Variants in OTOG observed in about 807,000 individuals in gnomAD.
The protein encoded by OTOG is otogelin.
Under a neutral mutation model 313.8 loss-of-function variants are expected in OTOG, and 296 were observed. The ratio of observed to expected loss-of-function variants is 0.94; its 90% CI spans 0.86 to 1.04. The LOEUF is 1.04. Among genes scored for constraint, OTOG ranks in the 50% least tolerant of loss-of-function variants. The pLI, the probability that OTOG is intolerant of heterozygous loss-of-function variation, is 0.00. For missense variants in OTOG, 3,948 were observed against 3,840.1 expected (o/e 1.03, Z -0.74); for synonymous variants, 1,533 against 1,554.9 (o/e 0.99, Z 0.33).
chr11:17,608,558 A>T, intron 34 of OTOG, 145 bp downstream of exon 34: 1 of 597,088 alleles, frequency 1.7e-6, no homozygotes, highest in East Asian at 3.1e-5. Context: ...CCGTATATGC[A>T]CATATGTCAG....
In OTOG at chr11:17,570,196, T is replaced by C. The variant is rs770967360; in HGVS notation, c.1778-17T>C. 1 of 1,549,298 alleles carries C rather than the reference T, an allele frequency of 6.5e-7. No individual in the cohort carries two copies. Among genetic ancestry groups the C allele is most frequent in the South Asian group, 1.2e-5 (1 of 83,970 alleles). On this transcript the variant is annotated splice_polypyrimidine_tract_variant and intron_variant, in intron 16 of 55. Transcript: ENST00000399397. ...CTGGCTGCCCTCCCACTCTCTCCTT[T>C]TGGATTCTGTGCCCAGATGCCTTTG...
chr11:17,574,761 G>A lies in OTOG; in HGVS notation c.2335G>A (p.Ala779Thr), dbSNP rs1489143378. 6.4e-7 allele frequency: 1 copy of A among 1,550,658 alleles called. No homozygotes were observed. The highest frequency in any genetic ancestry group is 1.4e-5 in the African/African-American group (1 of 73,182). ...EASKEYSPCV[A>T]PCGRTCQDLA... Reference sequence around the variant, plus strand: ...CTCCAAGGAGTATAGCCCCTGCGTGGCCCCGTGTGGACGTACCTGCCAGGA... The same window carrying A: ...CTCCAAGGAGTATAGCCCCTGCGTGACCCCGTGTGGACGTACCTGCCAGGA... The change falls in exon 20 of 56, where the codon GCC (alanine) becomes ACC (threonine). Residue 779 changes from alanine to threonine, a missense_variant. By Grantham distance (58) the Ala-to-Thr change is moderately conservative. Coordinates refer to ENST00000399397, the MANE Select transcript of OTOG (RefSeq NM_001292063.2).
At chr11:17,562,871 C>T (rs561429236) in intron 15 of OTOG, among the ~76,000 whole-genome samples, 1 of 152,196 alleles carries the variant, frequency 6.6e-6, no homozygotes, top group African/African-American at 2.4e-5. Flanking sequence ...TGAGCTGGGT[C>T]TTGGAGACTG....
At chr11:17,639,522 A>T in intron 49 of OTOG, 59 bp downstream of exon 49, 1 of 1,502,572 alleles carries the variant, frequency 6.7e-7, no homozygotes, top group Admixed American at 2.0e-5. Flanking sequence ...TTTCCTCTCT[A>T]TCCCCTCCTC....
chr11:17,602,000 C>T (rs924571599), intron 31 of OTOG, among the ~76,000 whole-genome samples: 1 of 152,184 alleles, frequency 6.6e-6, no homozygotes, highest in Non-Finnish European at 1.5e-5. Flanking sequence ...TGCAGTGGGT[C>T]TGTTCCTTTC....
chr11:17,585,682 T>C (rs183500640), intron 23 of OTOG, among the ~76,000 whole-genome samples: 2 of 152,280 alleles, frequency 1.3e-5, no homozygotes, highest in East Asian at 3.9e-4. Context: ...CAGTGATGCA[T>C]CGTGCCATGC....
chr11:17,578,253 A>G, intron 22 of OTOG, 120 bp from the exon 23 acceptor site: 1 of 1,408,354 alleles, frequency 7.1e-7, no homozygotes, highest in East Asian at 2.6e-5. Context: ...CCCAGGAGCG[A>G]CCAGGGAGGG....
In OTOG at chr11:17,610,005, T is replaced by C; in HGVS notation, c.4705T>C (p.Ser1569Pro). The change falls in exon 36 of 56, where the codon TCC (serine) becomes CCC (proline). Residue 1569 changes from serine (S) to proline (P), a missense_variant. Coordinates refer to ENST00000399397, the MANE Select transcript of OTOG (RefSeq NM_001292063.2). ...LAIPHTPESS[S>P]LPVALQTPTP... ...CATCCCCCATACACCAGAGTCCTCA[T>C]CCCTCCCTGTTGCACTGCAGACACC... 6.5e-7 allele frequency: 1 copy of C among 1,544,786 alleles called. No individual in the cohort carries two copies. Among genetic ancestry groups the C allele is most frequent in the East Asian group, 2.5e-5 (1 of 40,752 alleles).
At chr11:17,631,576 A>T in intron 40 of OTOG, 126 bp from the exon 41 acceptor site, 2 of 770,728 alleles carry the variant, frequency 2.6e-6, no homozygotes, top group Non-Finnish European at 4.2e-6. Flanking sequence ...AATTTCCCTC[A>T]CCTATAAAAT....
chr11:17,559,604 C>T lies in OTOG; in HGVS notation c.1284C>T (p.Pro428=). 1.9e-6 allele frequency: 3 copies of T among 1,550,918 alleles called. No homozygotes were observed. The highest frequency in any genetic ancestry group is 1.4e-5 in the African/African-American group (1 of 73,184). Residue 428 remains proline (P), a synonymous_variant, in exon 12 of 56, where the codon CCC becomes CCT. Coordinates refer to ENST00000399397, the MANE Select transcript of OTOG (RefSeq NM_001292063.2). The part of the protein sequence containing the change: ...CIACCPASCH[P]RASCVDSEIA... ...CCTGCTGCCCTGCCTCCTGCCATCC[C>T]CGGGCATCCTGTGTGGACAGTGAGA...
chr11:17,568,637 T>TG (rs1486510157), intron 15 of OTOG, among the ~76,000 whole-genome samples: 1 of 152,218 alleles, frequency 6.6e-6, no homozygotes, highest in Non-Finnish European at 1.5e-5. Context: ...AATGATTGTG[T>TG]GGATGTTTTC....
intron 6 of OTOG, among the ~76,000 whole-genome samples, chr11:17,554,399 G>C (rs1016216887): frequency 6.6e-6 from 1 of 152,216 alleles, no homozygotes; most frequent in African/African-American, 2.4e-5. Context: ...TGAAATATAG[G>C]AACACGTGTG....
Position 17,561,687 on chromosome 11 carries a change from T to C in OTOG, c.1524T>C (p.Ile508=). Residue 508 remains isoleucine, a synonymous_variant, in exon 15 of 56, where the codon ATT becomes ATC. Transcript: ENST00000399397. The stretch of plus-strand genomic sequence containing the variant: ...CTGAGTGCTCAGTGACTGGTGACAT[T>C]CACTTCACAACCTTTGATGGCCGCC... ...CPAECSVTGD[I]HFTTFDGRRY... 1 of 1,550,480 alleles carries C rather than the reference T, an allele frequency of 6.4e-7. No homozygotes were observed.
chr11:17,605,550 T>C (rs1853360552), intron 32 of OTOG, among the ~76,000 whole-genome samples: 1 of 152,156 alleles, frequency 6.6e-6, no homozygotes, highest in Non-Finnish European at 1.5e-5. Context: ...TCAAACATGT[T>C]TGCAGAAGGA....
In OTOG at chr11:17,610,367, T is replaced by C; in HGVS notation, c.5067T>C (p.Ser1689=). Reference sequence around the variant, plus strand: ...TCCCCCAGCCCACCCAGGCCCAGAGTGCTTCAAGTCCCAGCACCCCTCTAA... The same window carrying C: ...TCCCCCAGCCCACCCAGGCCCAGAGCGCTTCAAGTCCCAGCACCCCTCTAA... The part of the protein sequence containing the change: ...TGVPQPTQAQ[S]ASSPSTPLTV... The change falls in exon 36 of 56, where the codon AGT becomes AGC. Residue 1689 remains serine, a synonymous_variant. Transcript: ENST00000399397. 3 of 1,550,344 alleles carry C rather than the reference T, an allele frequency of 1.9e-6. No individual in the cohort carries two copies. Among genetic ancestry groups the C allele is most frequent in the African/African-American group, 2.7e-5 (2 of 73,052 alleles).
Position 17,613,178 on chromosome 11 carries a change from CTTTCTTTCTTTCTTTCTTTTCTTTCTT to C in OTOG, c.6438+415_6439-406del, listed in dbSNP as rs1206601711. Reference sequence around the variant, plus strand: ...TTCTCTTCTCTTCTCCCTTTTCTTTCTTTCTTTCTTTCTTTCTTTTCTTTCTTTCTTTCTTTCTTTCTTTCTTTCTTT... The same window carrying C: ...TTCTCTTCTCTTCTCCCTTTTCTTTCTCTTTCTTTCTTTCTTTCTTTCTTT... On this transcript the variant is annotated intron_variant, in intron 38 of 55. Coordinates refer to ENST00000399397, the MANE Select transcript of OTOG (RefSeq NM_001292063.2). Among the ~76,000 whole-genome samples the C allele has an allele frequency of 1.9e-3, 186 of 99,556 alleles. 2 individuals carry two copies. The highest frequency in any genetic ancestry group is 8.5e-3 in the African/African-American group (182 of 21,484). 65.3% of individuals were successfully genotyped at this position (99,556 alleles called of 152,430 possible).
At chr11:17,563,854 G>GTTTT (rs61373849) in intron 15 of OTOG, among the ~76,000 whole-genome samples, 5 of 106,626 alleles carry the variant, frequency 4.7e-5, no homozygotes, top group African/African-American at 2.0e-4. Context: ...CTAGTTTTTG[G>GTTTT]TTTTTTTTTT....
intron 23 of OTOG, among the ~76,000 whole-genome samples, chr11:17,584,715 G>A (rs1355818436): frequency 6.6e-6 from 1 of 152,112 alleles, no homozygotes; most frequent in Non-Finnish European, 1.5e-5. Context: ...TAGTAGAGAA[G>A]GGGGTTTGCC....
At chr11:17,640,443 C>T (rs544821569) in intron 49 of OTOG, among the ~76,000 whole-genome samples, 1 of 152,234 alleles carries the variant, frequency 6.6e-6, no homozygotes, top group Non-Finnish European at 1.5e-5. Flanking sequence ...TTTCCTCTCA[C>T]TCTGTCCCCC....
Sources: allele counts gnomAD v4.1 joint callset (sites outside exome capture counted in the v4.1 genomes callset), GRCh38; gene constraint gnomAD v4.1.1; transcripts MANE v1.5; gene names NCBI Gene and HGNC (gene_info 2026-07-23, HGNC 2026-07-21).